Variants in SCARF2 observed in about 807,000 individuals in gnomAD.
SCARF2 encodes scavenger receptor class F member 2.
In SCARF2, 39 loss-of-function variants were observed where a neutral mutation model predicts 73.4. The observed-to-expected ratio is 0.53, with a 90% CI of 0.41 to 0.69. The LOEUF (loss-of-function observed/expected upper bound fraction) is 0.69, where lower values mean the gene tolerates loss of function less well. Ranked by LOEUF, SCARF2 falls within the 30% of genes least tolerant of loss-of-function variation. The probability of loss-of-function intolerance (pLI) is 0.00; values close to 1 mark genes in which losing one functional copy is unlikely to be tolerated. For synonymous variants in SCARF2, 605 were observed against 590.0 expected, an observed-to-expected ratio of 1.03 and a Z score of -0.37; for missense variants, 1,148 against 1,303.5, an observed-to-expected ratio of 0.88 and a Z score of 1.84.
At chr22:20,428,770 G>A (rs1251450642) in intron 9 of SCARF2, among the ~76,000 whole-genome samples, 1 of 152,174 alleles carries the variant, frequency 6.6e-6, no homozygotes, top group African/African-American at 2.4e-5. Context: ...GTTGGTGGGT[G>A]GGGACCAGCC....
chr22:20,434,958 T>C (rs538307363), intron 1 of SCARF2, among the ~76,000 whole-genome samples: 10 of 152,300 alleles, frequency 6.6e-5, no homozygotes, highest in Admixed American at 2.6e-4. Flanking sequence ...CAGATCTCTC[T>C]TGTGTCCACA....
chr22:20,425,061 C>A lies in SCARF2; in HGVS notation c.*314G>T. The A allele has an allele frequency of 3.0e-6, 1 of 329,378 alleles. No homozygotes were observed. The highest frequency in any genetic ancestry group is 5.5e-6 in the Non-Finnish European group (1 of 181,294). 20.4% of individuals were successfully genotyped at this position (329,378 alleles called of 1,614,324 possible). ...CCACTCCTGGCCAGTAAGAGGCGGTCTTTAAGCGGAACCCTCCCATCTTTG... is the reference window on the plus strand; with the variant it reads ...CCACTCCTGGCCAGTAAGAGGCGGTATTTAAGCGGAACCCTCCCATCTTTG... On this transcript the variant is annotated 3_prime_UTR_variant, in exon 11 of 11. Coordinates refer to ENST00000622235, the MANE Select transcript of SCARF2 (RefSeq NM_182895.5). The surrounding 1 kb of genome is among the most constrained non-coding windows in gnomAD (Gnocchi z 4.6).
At chr22:20,430,294 T>C in intron 6 of SCARF2, 135 bp downstream of exon 6, 1 of 1,111,732 alleles carries the variant, frequency 9.0e-7, no homozygotes, top group Non-Finnish European at 1.3e-6. Flanking sequence ...GAGCCTACTG[T>C]CACTCCCTAG....
chr22:20,425,932 A>C lies in SCARF2; in HGVS notation c.2044T>G (p.Ser682Ala), dbSNP rs771582827. 2.2e-5 allele frequency: 35 copies of C among 1,595,920 alleles called. No homozygotes were observed. Among genetic ancestry groups the C allele is most frequent in the Middle Eastern group, 1.7e-4 (1 of 6,034 alleles). The change falls in exon 11 of 11, where the codon TCA becomes GCA. Residue 682 changes from serine to alanine, a missense_variant. Ser to Ala is a moderately conservative substitution (Grantham distance 99). Transcript: ENST00000622235. This position sits in a 1 kb window ranked among gnomAD's most constrained non-coding sequence, Gnocchi z 4.6. ...GCCTCGGAGCCTGGCGGCGGTGGTG[A>C]GGGCGCACGGCCAGCTGCAGCGGCG... ...HSAAAAGRAP[S>A]PPPPGSEAAP...
Position 20,429,344 on chromosome 22 carries a change from C to G in SCARF2, c.1425-4G>C, listed in dbSNP as rs770695147. ...CTTCCTCCCAAGCGAAAGCTCCCTG[C>G]GGGGGCGGGGTCTGAGCGGAGGGGC... is the stretch of plus-strand genomic sequence containing the variant. On this transcript the variant is annotated splice_polypyrimidine_tract_variant and splice_region_variant and intron_variant, in intron 8 of 10. Coordinates refer to ENST00000622235, the MANE Select transcript of SCARF2 (RefSeq NM_182895.5). This position sits in a 1 kb window ranked among gnomAD's most constrained non-coding sequence, Gnocchi z 5.2. 5 of 704,790 alleles carry G rather than the reference C, an allele frequency of 7.1e-6. No individual in the cohort carries two copies. In the Admixed American group the frequency reaches 1.1e-4, roughly 16 times the overall value. 43.7% of individuals were successfully genotyped at this position (704,790 alleles called of 1,614,324 possible). A position where few individuals can be genotyped will look rare whatever the true frequency, so the allele number is the denominator to read the frequency against.
rs1373364756 is a variant in SCARF2 at position 20,425,978 on chromosome 22, G to A, written c.1998C>T (p.Ser666=). 9.4e-6 allele frequency: 15 copies of A among 1,593,208 alleles called. No homozygotes were observed. Among genetic ancestry groups the A allele is most frequent in the African/African-American group, 2.7e-5 (2 of 72,924 alleles). ...PPDPATKPKV[S]WIHGKHSAAA... ...CGGCGCTGTGCTTGCCGTGGATCCA[G>A]GACACCTTAGGCTTGGTGGCGGGGT... The change falls in exon 11 of 11, where the codon TCC becomes TCT. Residue 666 remains serine (S), a synonymous_variant. Transcript: ENST00000622235. The surrounding 1 kb of genome is among the most constrained non-coding windows in gnomAD (Gnocchi z 4.6).
Position 20,430,898 on chromosome 22 carries a change from A to T in SCARF2, c.865T>A (p.Cys289Ser). 2 of 1,596,860 alleles carry T rather than the reference A, an allele frequency of 1.3e-6. No individual in the cohort carries two copies. Among genetic ancestry groups the T allele is most frequent in the Non-Finnish European group, 1.7e-6 (2 of 1,175,608 alleles). Residue 289 changes from cysteine to serine, a missense_variant, in exon 5 of 11, where the codon TGC becomes AGC. By Grantham distance (112) the Cys-to-Ser change is moderately radical (BLOSUM62 -1). Around this residue, in one of 5 missense-constraint regions of SCARF2, gnomAD observed 372 missense variants for 532.0 expected, o/e 0.70. Coordinates refer to ENST00000622235, the MANE Select transcript of SCARF2 (RefSeq NM_182895.5). ...ACCGTGCACGGCTGCTGGCCCTTGC[A>T]CTGGCCACACCTGGGGGAGGGGTCG... ...GLGCRRRCGQ[C>S]KGQQPCTVAE...
Position 20,426,062 on chromosome 22 carries a change from G to T in SCARF2, c.1914C>A (p.Gly638=). 6.4e-7 allele frequency: 1 copy of T among 1,562,366 alleles called. No individual in the cohort carries two copies. Among genetic ancestry groups the T allele is most frequent in the Non-Finnish European group, 8.6e-7 (1 of 1,164,110 alleles). ...RREARPARAR[G]EIGGLSLSPS... is the part of the protein sequence containing the mutation. ...GCGACAGCGACAGGCCCCCAATCTC[G>T]CCCCGGGCCCGGGCCGGCCGGGCCT... The change falls in exon 11 of 11, where the codon GGC becomes GGA. Residue 638 remains glycine, a synonymous_variant. Coordinates refer to ENST00000622235, the MANE Select transcript of SCARF2 (RefSeq NM_182895.5).
In SCARF2 at chr22:20,431,856, A is replaced by C; in HGVS notation, c.233-10T>G. On this transcript the variant is annotated splice_polypyrimidine_tract_variant and intron_variant, in intron 2 of 10. Coordinates refer to ENST00000622235, the MANE Select transcript of SCARF2 (RefSeq NM_182895.5). ...TTGCCTTCGCACACCGCTGTGGACG[A>C]GACAGGCCAGAGCTGCTGCGCGTCC... is the stretch of plus-strand genomic sequence containing the variant. 2.5e-6 allele frequency: 4 copies of C among 1,597,054 alleles called. No individual in the cohort carries two copies. Among genetic ancestry groups the C allele is most frequent in the Non-Finnish European group, 3.4e-6 (4 of 1,172,900 alleles).
At chr22:20,437,430 G>T in intron 1 of SCARF2, 152 bp downstream of exon 1, 1 of 792,108 alleles carries the variant, frequency 1.3e-6, no homozygotes, top group Non-Finnish European at 1.9e-6. Flanking sequence ...GGCCGAGGCT[G>T]GGCCTGGAAC....
chr22:20,430,879 C>T lies in SCARF2; in HGVS notation c.884G>A (p.Cys295Tyr). The T allele has an allele frequency of 6.2e-7, 1 of 1,603,020 alleles. No individual in the cohort carries two copies. Reference sequence around the variant, plus strand: ...CAAGCAGCGGCCCTCGGCCACCGTGCACGGCTGCTGGCCCTTGCACTGGCC... The same window carrying T: ...CAAGCAGCGGCCCTCGGCCACCGTGTACGGCTGCTGGCCCTTGCACTGGCC... ...RCGQCKGQQP[C>Y]TVAEGRCLTC... The change falls in exon 5 of 11, where the codon TGC (cysteine) becomes TAC (tyrosine). Residue 295 changes from cysteine (C) to tyrosine (Y), a missense_variant. Transcript: ENST00000622235.
chr22:20,437,469 G>A (rs2052713086), intron 1 of SCARF2, 113 bp downstream of exon 1: 1 of 1,170,086 alleles, frequency 8.5e-7, no homozygotes, highest in South Asian at 1.4e-5. Context: ...GAGCCGAAGG[G>A]GCCCACACTT....
chr22:20,431,782 G>A lies in SCARF2; in HGVS notation c.297C>T (p.Arg99=), dbSNP rs2146132636. ...TGGCACCGAAGTAGCCGTGGCGGCA[G>A]CGGCACTCGCCAGGCCTCACGCACA... ...NEVCVRPGEC[R]CRHGYFGANC... Residue 99 remains arginine, a synonymous_variant, in exon 3 of 11, where the codon CGC becomes CGT. Transcript: ENST00000622235. 2 of 1,592,666 alleles carry A rather than the reference G, an allele frequency of 1.3e-6. No individual in the cohort carries two copies. Among genetic ancestry groups the A allele is most frequent in the Non-Finnish European group, 1.7e-6 (2 of 1,170,940 alleles).
Position 20,426,107 on chromosome 22 carries a change from G to A in SCARF2, c.1869C>T (p.Tyr623=). Residue 623 remains tyrosine (Y), a synonymous_variant, in exon 11 of 11, where the codon TAC becomes TAT. Coordinates refer to ENST00000622235, the MANE Select transcript of SCARF2 (RefSeq NM_182895.5). ...GGGCCTCGCGTCGGGCCACGCGCGC[G>A]TACAGAGCCCCTCCGGGCCCCTCCA... The part of the protein sequence containing the change: ...SSVEGPGGAL[Y]ARVARREARP... 2 of 1,488,324 alleles carry A rather than the reference G, an allele frequency of 1.3e-6. No homozygotes were observed. Among genetic ancestry groups the A allele is most frequent in the South Asian group, 2.6e-5 (2 of 76,136 alleles). The allele number at this position is 1,488,324 out of a possible 1,614,324, so 92.2% of individuals were successfully genotyped here. A position where few individuals can be genotyped will look rare whatever the true frequency, so the allele number is the denominator to read the frequency against.
chr22:20,435,800 T>C (rs5752939), intron 1 of SCARF2, among the ~76,000 whole-genome samples: 14,090 of 152,214 alleles, frequency 0.093, 901 homozygotes, highest in Middle Eastern at 0.16. Context: ...CTGGACTGTG[T>C]CTCCTCTGCC....
At chr22:20,432,528 G>A (rs544590606) in intron 1 of SCARF2, among the ~76,000 whole-genome samples, 1 of 152,280 alleles carries the variant, frequency 6.6e-6, no homozygotes, top group East Asian at 1.9e-4. Context: ...GGGACGGGGG[G>A]TGGCATGTAG....
In SCARF2 at chr22:20,429,500, G is replaced by C. The variant is rs1457176255; in HGVS notation, c.1424+36C>G. On this transcript the variant is annotated intron_variant, in intron 8 of 10. Coordinates refer to ENST00000622235, the MANE Select transcript of SCARF2 (RefSeq NM_182895.5). The surrounding 1 kb of genome is among the most constrained non-coding windows in gnomAD (Gnocchi z 5.2). ...CGGTGGCACCCAGAGGGTGCGGCCT[G>C]AACCCAGGCGAAAGCGGGGCAGTAT... 1.2e-6 allele frequency: 2 copies of C among 1,608,598 alleles called. No homozygotes were observed. The highest frequency in any genetic ancestry group is 1.7e-6 in the Non-Finnish European group (2 of 1,178,666).
chr22:20,428,397 C>T (rs2146124819), intron 9 of SCARF2, among the ~76,000 whole-genome samples: 1 of 152,134 alleles, frequency 6.6e-6, no homozygotes, highest in Non-Finnish European at 1.5e-5. Context: ...CTCTGCCTCC[C>T]AGGTTCAAGT....
rs1213096729 is a variant in SCARF2, at chr22:20,430,828, G to A, written c.935C>T (p.Thr312Ile). 1 of 1,607,548 alleles carries A rather than the reference G, an allele frequency of 6.2e-7. No homozygotes were observed. Among genetic ancestry groups the A allele is most frequent in the Non-Finnish European group, 8.5e-7 (1 of 1,178,126 alleles). ...GGTGGCGCAAGGCTGGTCGCACTTG[G>A]TTCCGTTCCAGCCGGGCTCGCACGT... ...CLTCEPGWNG[T>I]KCDQPCATGF... The change falls in exon 5 of 11, where the codon ACC becomes ATC. Residue 312 changes from threonine (T) to isoleucine (I), a missense_variant. Physicochemically the swap from Thr to Ile is moderately conservative, Grantham distance 89. Coordinates refer to ENST00000622235, the MANE Select transcript of SCARF2 (RefSeq NM_182895.5).
Sources: allele counts gnomAD v4.1 joint callset (sites outside exome capture counted in the v4.1 genomes callset), GRCh38; gene constraint gnomAD v4.1.1; regional missense constraint gnomAD v4.1.1; non-coding constraint Gnocchi (gnomAD v3.1); transcripts MANE v1.5; gene names NCBI Gene and HGNC (gene_info 2026-07-23, HGNC 2026-07-21).